PKP4: variants seen among roughly 807,000 people sequenced by gnomAD.
The protein encoded by PKP4 is plakophilin-4.
In PKP4, 90 loss-of-function variants were observed where a neutral mutation model predicts 145.1. The ratio of observed to expected loss-of-function variants is 0.62; its 90% CI spans 0.52 to 0.74. The LOEUF (loss-of-function observed/expected upper bound fraction) is 0.74, where lower values mean the gene tolerates loss of function less well. PKP4 is among the 30% of genes least tolerant of loss of function. PKP4 has a pLI of 0.00. For missense variants in PKP4, 1,340 were observed against 1,482.7 expected, an observed-to-expected ratio of 0.90 and a Z score of 1.58; for synonymous variants, 563 against 577.2, an observed-to-expected ratio of 0.98 and a Z score of 0.35.
At chr2:158,676,406 C>T (rs368708125) in intron 19 of PKP4, among the ~76,000 whole-genome samples, 6 of 152,174 alleles carry the variant, frequency 3.9e-5, no homozygotes, top group Admixed American at 6.5e-5. Flanking sequence ...CAGTTTCAAA[C>T]GCCTAGTCAA....
At chr2:158,520,321 A>T (rs1186605878) in intron 1 of PKP4, among the ~76,000 whole-genome samples, 2 of 152,164 alleles carry the variant, frequency 1.3e-5, no homozygotes, top group Non-Finnish European at 2.9e-5. Context: ...GGCTGAGGGT[A>T]TTATATTTTG....
At chr2:158,637,509 C>T (rs2053907498) in intron 9 of PKP4, among the ~76,000 whole-genome samples, 1 of 152,196 alleles carries the variant, frequency 6.6e-6, no homozygotes, top group African/African-American at 2.4e-5. Context: ...ATTCTAACCA[C>T]TTTGGCACCC....
chr2:158,634,844 A>C (rs1436978582), intron 9 of PKP4, among the ~76,000 whole-genome samples: 1 of 152,088 alleles, frequency 6.6e-6, no homozygotes, highest in Non-Finnish European at 1.5e-5. Flanking sequence ...AGTGTTTGGC[A>C]AATCATAGAC....
At chr2:158,516,863 G>A (rs1110509) in intron 1 of PKP4, among the ~76,000 whole-genome samples, 101,414 of 151,448 alleles carry the variant, frequency 0.67, 34,161 homozygotes, top group South Asian at 0.84. Context: ...GGATTTCACT[G>A]TGTTGGCCAG....
chr2:158,667,890 C>T (rs1033678017), intron 16 of PKP4, among the ~76,000 whole-genome samples: 1 of 152,128 alleles, frequency 6.6e-6, no homozygotes, highest in Non-Finnish European at 1.5e-5. Context: ...ATTTTTCTTA[C>T]GTCTGTATTG....
At chr2:158,660,764 T>C (rs1015716125) in intron 12 of PKP4, 2 of 152,220 alleles carry the variant, frequency 1.3e-5, no homozygotes, top group African/African-American at 4.8e-5. Context: ...GAAATGTTTA[T>C]AATACAAGAA....
intron 2 of PKP4, among the ~76,000 whole-genome samples, chr2:158,558,979 G>A (rs937087384): frequency 6.6e-6 from 1 of 152,140 alleles, no homozygotes; most frequent in Non-Finnish European, 1.5e-5. Flanking sequence ...CAGCTACATT[G>A]GTGGTACTTC....
chr2:158,479,471 G>A (rs961637576), intron 1 of PKP4, among the ~76,000 whole-genome samples: 6 of 152,128 alleles, frequency 3.9e-5, no homozygotes, highest in African/African-American at 9.7e-5. Flanking sequence ...CGATCGGCCC[G>A]CCTTAGCCTC....
At chr2:158,564,744 G>A (rs1244838818) in intron 2 of PKP4, among the ~76,000 whole-genome samples, 1 of 152,130 alleles carries the variant, frequency 6.6e-6, no homozygotes, top group African/African-American at 2.4e-5. Flanking sequence ...TAATGAAAGT[G>A]AGCAATGTGT....
chr2:158,621,764 A>AAT (rs1439786275), intron 6 of PKP4, among the ~76,000 whole-genome samples: 1 of 151,512 alleles, frequency 6.6e-6, no homozygotes, highest in Non-Finnish European at 1.5e-5. Context: ...AAAAAAAAAA[A>AAT]GGAAAAAAAA....
At chr2:158,560,678 T>C (rs2046439350) in intron 2 of PKP4, among the ~76,000 whole-genome samples, 1 of 152,156 alleles carries the variant, frequency 6.6e-6, no homozygotes, top group Admixed American at 6.5e-5. Context: ...ATTAAAAAAA[T>C]AAAAATTTAT....
intron 1 of PKP4, among the ~76,000 whole-genome samples, chr2:158,470,984 T>G (rs1386179436): frequency 1.3e-5 from 2 of 152,124 alleles, no homozygotes; most frequent in Non-Finnish European, 2.9e-5. Flanking sequence ...AGAGTATTGT[T>G]AAGCCATCCC....
Position 158,520,564 on chromosome 2 carries a change from T to C in PKP4, c.-5-12616T>C, listed in dbSNP as rs1393487598. 2.0e-5 allele frequency among the ~76,000 whole-genome samples: 3 copies of C among 152,230 alleles called. No individual in the cohort carries two copies. The East Asian group carries it at 5.8e-4, about 29-fold the overall frequency. ...CATGTTTATTCCGCTATATTATTCT[T>C]TTTCCATTCTGTGAGAAAACTATGA... is the stretch of plus-strand genomic sequence containing the variant. On this transcript the variant is annotated intron_variant, in intron 1 of 21. Coordinates refer to ENST00000389759, the MANE Select transcript of PKP4 (RefSeq NM_003628.6).
intron 1 of PKP4, among the ~76,000 whole-genome samples, chr2:158,493,572 T>C (rs1294210951): frequency 6.6e-6 from 1 of 152,214 alleles, no homozygotes; most frequent in Non-Finnish European, 1.5e-5. Flanking sequence ...TCTCTAGGCC[T>C]GCTGCACAGT....
chr2:158,458,272 G>T (rs1043199232), intron 1 of PKP4: 1 of 152,936 alleles, frequency 6.5e-6, no homozygotes, highest in African/African-American at 2.4e-5. Flanking sequence ...AGCTCTCGCC[G>T]CGCAGCCAGA....
intron 1 of PKP4, among the ~76,000 whole-genome samples, chr2:158,495,539 TA>T (rs1359576731): frequency 2.0e-5 from 3 of 151,052 alleles, no homozygotes; most frequent in East Asian, 1.9e-4. Flanking sequence ...TAACTATGTT[TA>T]AAAAAAAAGG....
chr2:158,490,189 G>A (rs1001284494), intron 1 of PKP4, among the ~76,000 whole-genome samples: 5 of 152,072 alleles, frequency 3.3e-5, no homozygotes, highest in Non-Finnish European at 4.4e-5. Context: ...GATACTTGTA[G>A]CCAAAATGTA....
intron 1 of PKP4, among the ~76,000 whole-genome samples, chr2:158,476,816 T>A (rs1692544356): frequency 6.6e-6 from 1 of 152,206 alleles, no homozygotes; most frequent in Non-Finnish European, 1.5e-5. Flanking sequence ...ATAGTTTAGC[T>A]GCATTCACAG....
intron 3 of PKP4, among the ~76,000 whole-genome samples, chr2:158,593,092 A>T (rs3771634): frequency 0.2 from 30,427 of 152,058 alleles, 3,902 homozygotes; most frequent in Middle Eastern, 0.36. Flanking sequence ...CTTATTTTAA[A>T]TTTTTTTAAA....
Sources: allele counts gnomAD v4.1 joint callset (sites outside exome capture counted in the v4.1 genomes callset), GRCh38; gene constraint gnomAD v4.1.1; transcripts MANE v1.5; gene names NCBI Gene and HGNC (gene_info 2026-07-23, HGNC 2026-07-21).